COX6B2: variants seen among roughly 807,000 people sequenced by gnomAD.
COX6B2 encodes the protein COX VIb-2.
Under a neutral mutation model 13.7 loss-of-function variants are expected in COX6B2, and 12 were observed. The observed-to-expected ratio is 0.87, with a 90% confidence interval of 0.56 to 1.41. The LOEUF is 1.41. Ranked by LOEUF, COX6B2 falls within the 40% of genes most tolerant of loss-of-function variation. COX6B2 has a pLI of 0.00. For missense variants in COX6B2, 130 were observed against 118.3 expected (o/e 1.10, Z -0.46); for synonymous variants, 56 against 46.6 (o/e 1.20, Z -0.82).
rs2089658070 is a variant in COX6B2, at chr19:55,349,917, C to G, written c.*998G>C. On this transcript the variant is annotated 3_prime_UTR_variant, in exon 5 of 5. Transcript: ENST00000326529. ...CTGAGGTGGGCAGATTGCCTGAGGT[C>G]AGGAGTTTGAGACCAGCCTGACCAA... The G allele has an allele frequency of 6.6e-6, 1 of 152,074 alleles. No individual in the cohort carries two copies. 9.4% of individuals were successfully genotyped at this position (152,074 alleles called of 1,614,324 possible).
chr19:55,353,900 A>T lies in COX6B2; in HGVS notation c.179T>A (p.Phe60Tyr). Residue 60 changes from phenylalanine to tyrosine, a missense_variant, in exon 3 of 5, where the codon TTC becomes TAC. By Grantham distance (22) the Phe-to-Tyr change is conservative. Coordinates refer to ENST00000326529, the MANE Select transcript of COX6B2 (RefSeq NM_144613.5). ...GGGGCACAGCGAGTGGTACACGCGG[A>T]AATAGTACTCGCAGGGCTGCGTGCT... ...GKSTQPCEYY[F>Y]RVYHSLCPIS... 2 of 1,571,894 alleles carry T rather than the reference A, an allele frequency of 1.3e-6. No individual in the cohort carries two copies. The highest frequency in any genetic ancestry group is 1.7e-6 in the Non-Finnish European group (2 of 1,159,876).
chr19:55,354,505 G>A lies in COX6B2; in HGVS notation c.17C>T (p.Ala6Val), dbSNP rs2089695644. The change falls in exon 2 of 5, where the codon GCC becomes GTC. Residue 6 changes from alanine (A) to valine (V), a missense_variant. Physicochemically the swap from Ala to Val is moderately conservative, Grantham distance 64 (BLOSUM62 0). Transcript: ENST00000326529. ...CCATTTCCCCTTGGGGGGCTCCTGGGCTTCCACATCCAACATCCACGAAGG... is the reference window on the plus strand; with the variant it reads ...CCATTTCCCCTTGGGGGGCTCCTGGACTTCCACATCCAACATCCACGAAGG... MLDVE[A>V]QEPPKGKWST... The A allele has an allele frequency of 6.2e-7, 1 of 1,612,246 alleles. No individual in the cohort carries two copies. The highest frequency in any genetic ancestry group is 1.7e-5 in the Admixed American group (1 of 59,842).
chr19:55,353,844 G>T, intron 3 of COX6B2, 22 bp downstream of exon 3: 2 of 1,583,448 alleles, frequency 1.3e-6, no homozygotes, highest in South Asian at 1.1e-5. Context: ...CGCCTGGCCC[G>T]GCGCCCCCTC....
Position 55,353,742 on chromosome 19 carries a change from C to A in COX6B2, c.246G>T (p.Gly82=), listed in dbSNP as rs768310323. The A allele has an allele frequency of 1.2e-6, 2 of 1,609,950 alleles. No individual in the cohort carries two copies. Among genetic ancestry groups the A allele is most frequent in the South Asian group, 2.2e-5 (2 of 90,326 alleles). ...VESWNEQIKN[G]IFAGKI ...GCAGTCAGATTTTGCCGGCGAAAATCCCGTTCTTGATCTGCTCGTTCCAGC... is the reference window on the plus strand; with the variant it reads ...GCAGTCAGATTTTGCCGGCGAAAATACCGTTCTTGATCTGCTCGTTCCAGC... Residue 82 remains glycine (G), a synonymous_variant, in exon 4 of 5, where the codon GGG becomes GGT. Transcript: ENST00000326529.
In COX6B2 at chr19:55,350,848, A is replaced by T. The variant is rs2089665866; in HGVS notation, c.*115-48T>A. 6.6e-6 allele frequency: 1 copy of T among 152,374 alleles called. No homozygotes were observed. 9.4% of individuals were successfully genotyped at this position (152,374 alleles called of 1,614,324 possible). On this transcript the variant is annotated intron_variant, in intron 4 of 4. Transcript: ENST00000326529. The surrounding 1 kb of genome is among the most constrained non-coding windows in gnomAD (Gnocchi z 4.2). The stretch of plus-strand genomic sequence containing the variant: ...GTTTAGTGAAACAGGAAATACAACC[A>T]GCACTGACCTGGGTGTGTGGCACTA...
rs1304335723 is a variant in COX6B2 at position 55,350,423 on chromosome 19, T to C, written c.*492A>G. On this transcript the variant is annotated 3_prime_UTR_variant, in exon 5 of 5. Coordinates refer to ENST00000326529, the MANE Select transcript of COX6B2 (RefSeq NM_144613.5). This position sits in a 1 kb window ranked among gnomAD's most constrained non-coding sequence, Gnocchi z 4.2. ...TGGGGGAGGGGAGACACCAGGCCCA[T>C]AGTGACCGACCATTCCCTGTCCTTG... The C allele has an allele frequency of 6.6e-6, 1 of 152,380 alleles. No individual in the cohort carries two copies. Among genetic ancestry groups the C allele is most frequent in the East Asian group, 1.9e-4 (1 of 5,194 alleles). The allele number at this position is 152,380 out of a possible 1,614,324, so 9.4% of individuals were successfully genotyped here.
rs2089659466 is a variant in COX6B2, at chr19:55,350,055, A to C, written c.*860T>G. On this transcript the variant is annotated 3_prime_UTR_variant, in exon 5 of 5. Coordinates refer to ENST00000326529, the MANE Select transcript of COX6B2 (RefSeq NM_144613.5). The surrounding 1 kb of genome is among the most constrained non-coding windows in gnomAD (Gnocchi z 4.2). ...GGCAGGAGAATCACTTGAACCCGGG[A>C]GGCAGAGGTTGCAGTGAGCTGAGAT... is the stretch of plus-strand genomic sequence containing the variant. 6.6e-6 allele frequency: 1 copy of C among 152,206 alleles called. No homozygotes were observed. 9.4% of individuals were successfully genotyped at this position (152,206 alleles called of 1,614,324 possible).
Position 55,353,436 on chromosome 19 carries a change from C to T in COX6B2, c.*114+171G>A, listed in dbSNP as rs2089683299. The T allele has an allele frequency of 2.4e-5, 13 of 534,668 alleles. No homozygotes were observed. In the South Asian group the frequency reaches 2.5e-4, roughly 10 times the overall value. 33.1% of individuals were successfully genotyped at this position (534,668 alleles called of 1,614,324 possible). On this transcript the variant is annotated intron_variant, in intron 4 of 4. Transcript: ENST00000326529. ...AAGGGGGACGGGAGGCATTCGGCTT[C>T]CTGTCTTAGGGCCTTGACTGCCTGC...
rs559887981 is a variant in COX6B2, at chr19:55,353,898, G to A, written c.181C>T (p.Arg61Cys). 3 of 1,571,500 alleles carry A rather than the reference G, an allele frequency of 1.9e-6. No individual in the cohort carries two copies. Among genetic ancestry groups the A allele is most frequent in the African/African-American group, 2.7e-5 (2 of 74,062 alleles). Residue 61 changes from arginine (R) to cysteine (C), a missense_variant, in exon 3 of 5, where the codon CGC (arginine) becomes TGC (cysteine). Arg to Cys is a radical substitution (Grantham distance 180). Transcript: ENST00000326529. ...KSTQPCEYYF[R>C]VYHSLCPISW... ...ATGGGGCACAGCGAGTGGTACACGC[G>A]GAAATAGTACTCGCAGGGCTGCGTG...
In COX6B2 at chr19:55,352,466, G is replaced by T. The variant is rs772844483; in HGVS notation, c.*114+1141C>A. ...ATCTTGGTTTGCCTTGGGGAACCTC[G>T]GGCTCACACAGGTCAAGAAGCTTGT... On this transcript the variant is annotated intron_variant, in intron 4 of 4. Transcript: ENST00000326529. The surrounding 1 kb of genome is among the most constrained non-coding windows in gnomAD (Gnocchi z 6.2). 1 of 152,154 alleles carries T rather than the reference G, an allele frequency of 6.6e-6. No individual in the cohort carries two copies. Among genetic ancestry groups the T allele is most frequent in the Admixed American group, 6.6e-5 (1 of 15,258 alleles). The allele number at this position is 152,154 out of a possible 1,614,324, so 9.4% of individuals were successfully genotyped here. A position where few individuals can be genotyped will look rare whatever the true frequency, so the allele number is the denominator to read the frequency against.
rs923208816 is a variant in COX6B2 at position 55,350,157 on chromosome 19, T to C, written c.*758A>G. 3 of 152,026 alleles carry C rather than the reference T, an allele frequency of 2.0e-5. No individual in the cohort carries two copies. The South Asian group carries it at 6.2e-4, about 32-fold the overall frequency. 9.4% of individuals were successfully genotyped at this position (152,026 alleles called of 1,614,324 possible). ...AAAATAAAAATAAAAATAAAAATGGTGAGGGCGTTAGAAACTGGCGATCAG... is the reference window on the plus strand; with the variant it reads ...AAAATAAAAATAAAAATAAAAATGGCGAGGGCGTTAGAAACTGGCGATCAG... On this transcript the variant is annotated 3_prime_UTR_variant, in exon 5 of 5. Coordinates refer to ENST00000326529, the MANE Select transcript of COX6B2 (RefSeq NM_144613.5). The surrounding 1 kb of genome is among the most constrained non-coding windows in gnomAD (Gnocchi z 4.2).
At position 55,354,459 on chromosome 19, in the gene COX6B2, C is replaced by A; in HGVS notation, c.63G>T (p.Pro21=). 1 of 1,613,992 alleles carries A rather than the reference C, an allele frequency of 6.2e-7. No homozygotes were observed. The highest frequency in any genetic ancestry group is 8.5e-7 in the Non-Finnish European group (1 of 1,179,950). Residue 21 remains proline, a synonymous_variant, in exon 2 of 5, where the codon CCG becomes CCT. Coordinates refer to ENST00000326529, the MANE Select transcript of COX6B2 (RefSeq NM_144613.5). ...KGKWSTPPFD[P]RFPSQNQIRN... ...GGATCTGGTTCTGGCTGGGGAAGCG[C>A]GGGTCGAAGGGCGGCGTCGACCATT...
chr19:55,354,419 T>C lies in COX6B2; in HGVS notation c.103A>G (p.Asn35Asp). 6.2e-7 allele frequency: 1 copy of C among 1,613,448 alleles called. No homozygotes were observed. Among genetic ancestry groups the C allele is most frequent in the Non-Finnish European group, 8.5e-7 (1 of 1,179,756 alleles). Residue 35 changes from asparagine to aspartate, a missense_variant, in exon 2 of 5, where the codon AAC becomes GAC. By Grantham distance (23) the Asn-to-Asp change is conservative. Coordinates refer to ENST00000326529, the MANE Select transcript of COX6B2 (RefSeq NM_144613.5). ...GCTGAGCAGGTCTCACCCAGGAAGTTCTGGTAGCAGTTACGGATCTGGTTC... is the reference window on the plus strand; with the variant it reads ...GCTGAGCAGGTCTCACCCAGGAAGTCCTGGTAGCAGTTACGGATCTGGTTC... ...SQNQIRNCYQNFLDYHRCLKT... is the reference protein window; with the variant it reads ...SQNQIRNCYQDFLDYHRCLKT...
rs563925230 is a variant in COX6B2, at chr19:55,352,993, G to A, written c.*114+614C>T. On this transcript the variant is annotated intron_variant, in intron 4 of 4. Transcript: ENST00000326529. This position sits in a 1 kb window ranked among gnomAD's most constrained non-coding sequence, Gnocchi z 6.2. ...GAGCAGGCTGCTACGCCTGGCTGTG[G>A]GTGCGGGTGCCGAAAGCGTGGACAC... 2 of 153,672 alleles carry A rather than the reference G, an allele frequency of 1.3e-5. No homozygotes were observed. Among genetic ancestry groups the A allele is most frequent in the Admixed American group, 1.3e-4 (2 of 15,450 alleles). 9.5% of individuals were successfully genotyped at this position (153,672 alleles called of 1,614,324 possible).
In COX6B2 at chr19:55,353,890, G is replaced by T; in HGVS notation, c.189C>A (p.Tyr63Ter). 1 of 1,572,078 alleles carries T rather than the reference G, an allele frequency of 6.4e-7. No individual in the cohort carries two copies. The highest frequency in any genetic ancestry group is 8.6e-7 in the Non-Finnish European group (1 of 1,159,750). Residue 63 changes from tyrosine (Y) to a stop codon, truncating the protein, a stop_gained, in exon 3 of 5, where the codon TAC becomes TAA. Transcript: ENST00000326529. LOFTEE classifies it high-confidence loss of function. ...TQPCEYYFRV[Y>*]HSLCPISWVE... ...CCCAGCTGATGGGGCACAGCGAGTG[G>T]TACACGCGGAAATAGTACTCGCAGG...
rs938359621 is a variant in COX6B2 at position 55,350,483 on chromosome 19, G to A, written c.*432C>T. On this transcript the variant is annotated 3_prime_UTR_variant, in exon 5 of 5. Coordinates refer to ENST00000326529, the MANE Select transcript of COX6B2 (RefSeq NM_144613.5). The surrounding 1 kb of genome is among the most constrained non-coding windows in gnomAD (Gnocchi z 4.2). ...GGAGGGTCAGGACAGCCTTAGGGACGTGGGCGCTCTCAGTCATCTCGCCCA... is the reference window on the plus strand; with the variant it reads ...GGAGGGTCAGGACAGCCTTAGGGACATGGGCGCTCTCAGTCATCTCGCCCA... 2.0e-5 allele frequency: 3 copies of A among 152,382 alleles called. No homozygotes were observed. Among genetic ancestry groups the A allele is most frequent in the African/African-American group, 4.8e-5 (2 of 41,470 alleles). 9.4% of individuals were successfully genotyped at this position (152,382 alleles called of 1,614,324 possible). A position where few individuals can be genotyped will look rare whatever the true frequency, so the allele number is the denominator to read the frequency against.
chr19:55,352,827 G>A lies in COX6B2; in HGVS notation c.*114+780C>T, dbSNP rs751875765. The A allele has an allele frequency of 1.3e-5, 2 of 152,298 alleles. No individual in the cohort carries two copies. The highest frequency in any genetic ancestry group is 2.9e-5 in the Non-Finnish European group (2 of 68,072). The allele number at this position is 152,298 out of a possible 1,614,324, so 9.4% of individuals were successfully genotyped here. On this transcript the variant is annotated intron_variant, in intron 4 of 4. Coordinates refer to ENST00000326529, the MANE Select transcript of COX6B2 (RefSeq NM_144613.5). This position sits in a 1 kb window ranked among gnomAD's most constrained non-coding sequence, Gnocchi z 6.2. ...TGGGGAAGGAGTAAAGAATGATTCC[G>A]AGGGAGCTCTGAGCGTCCTCTGGGT...
At chr19:55,353,102 G>A (rs1478428611) in intron 4 of COX6B2, 1 of 156,548 alleles carries the variant, frequency 6.4e-6, no homozygotes, top group Non-Finnish European at 1.4e-5. Context: ...GTGGGAGCGG[G>A]GTCGTGATGG....
rs974026187 is a variant in COX6B2 at position 55,352,447 on chromosome 19, G to A, written c.*114+1160C>T. 1.3e-5 allele frequency: 2 copies of A among 152,222 alleles called. No homozygotes were observed. Among genetic ancestry groups the A allele is most frequent in the Non-Finnish European group, 2.9e-5 (2 of 68,074 alleles). The allele number at this position is 152,222 out of a possible 1,614,324, so 9.4% of individuals were successfully genotyped here. ...GATAATGGGGCCCTGAGCCATCTTG[G>A]TTTGCCTTGGGGAACCTCGGGCTCA... On this transcript the variant is annotated intron_variant, in intron 4 of 4. Coordinates refer to ENST00000326529, the MANE Select transcript of COX6B2 (RefSeq NM_144613.5). The surrounding 1 kb of genome is among the most constrained non-coding windows in gnomAD (Gnocchi z 6.2).
Sources: gnomAD v4.1 joint callset for allele counts on GRCh38, gnomAD v4.1.1 for gene constraint, Gnocchi (gnomAD v3.1) non-coding constraint, MANE v1.5 for transcripts, NCBI Gene and HGNC (gene_info 2026-07-23, HGNC 2026-07-21) for gene names.